PSMD1: variants seen among roughly 807,000 people sequenced by gnomAD.
The protein encoded by PSMD1 is proteasome 26S subunit, non-ATPase 1.
A neutral mutation model predicts 119.0 loss-of-function variants in PSMD1; 18 were observed. That is an observed-to-expected ratio of 0.15 (90% CI 0.10 to 0.22). The LOEUF (loss-of-function observed/expected upper bound fraction) is 0.22. Among genes scored for constraint, PSMD1 ranks in the 10% least tolerant of loss-of-function variants. The probability of loss-of-function intolerance (pLI) is 1.00; values close to 1 mark genes in which losing one functional copy is unlikely to be tolerated. For synonymous variants in PSMD1, 374 were observed against 396.6 expected (o/e 0.94, Z 0.68); for missense variants, 702 against 1,158.5 (o/e 0.61, Z 5.72).
intron 16 of PSMD1, among the ~76,000 whole-genome samples, chr2:231,089,822 T>C (rs1364611639): frequency 6.6e-6 from 1 of 152,114 alleles, no homozygotes; most frequent in Non-Finnish European, 1.5e-5. Context: ...GCCTGCTTTA[T>C]ATTCCCTGAG....
intron 18 of PSMD1, among the ~76,000 whole-genome samples, chr2:231,153,114 A>C (rs962967999): frequency 9.2e-5 from 14 of 152,334 alleles, no homozygotes; most frequent in Middle Eastern, 3.4e-3. Flanking sequence ...TACTTCATGC[A>C]AAAGATACCT....
Position 231,056,923 on chromosome 2 carries a change from CG to C in PSMD1, c.-99del, listed in dbSNP as rs1693605305. ...GAGGCGACTGACTGAGCAGCGCACC[CG>C]GGGAGCAAGGAGGCGCGGTGAACTG... On this transcript the variant is annotated 5_prime_UTR_variant, in exon 1 of 25. Transcript: ENST00000308696. 3 of 1,473,014 alleles carry C rather than the reference CG, an allele frequency of 2.0e-6. No individual in the cohort carries two copies. Among genetic ancestry groups the C allele is most frequent in the Admixed American group, 2.0e-5 (1 of 50,310 alleles). 91.2% of individuals were successfully genotyped at this position (1,473,014 alleles called of 1,614,324 possible).
In PSMD1 at chr2:231,083,494, C is replaced by T; in HGVS notation, c.1526-73C>T. ...TTTGATAGTTTATGCAAAAAGAGTG[C>T]TACTTTCAGTTGGATGTTTTACTGA... is the stretch of plus-strand genomic sequence containing the variant. On this transcript the variant is annotated intron_variant, in intron 13 of 24. Transcript: ENST00000308696. 1.7e-5 allele frequency: 25 copies of T among 1,488,506 alleles called. No homozygotes were observed. The South Asian group carries it at 2.8e-4, about 17-fold the overall frequency. 92.2% of individuals were successfully genotyped at this position (1,488,506 alleles called of 1,614,324 possible).
At chr2:231,137,641 C>T (rs550397104) in intron 16 of PSMD1, among the ~76,000 whole-genome samples, 16 of 152,028 alleles carry the variant, frequency 1.1e-4, no homozygotes, top group South Asian at 8.3e-4. Flanking sequence ...CGGTAGATCC[C>T]GTCACCCAAG....
intron 17 of PSMD1, 137 bp from the exon 18 acceptor site, chr2:231,146,103 T>C (rs1574769051): frequency 1.7e-6 from 1 of 590,356 alleles, no homozygotes; most frequent in East Asian, 3.0e-5. Context: ...ATTTTTCAAC[T>C]CCATTATAAT....
At chr2:231,060,530 T>TAG (rs1238787547) in intron 1 of PSMD1, among the ~76,000 whole-genome samples, 3 of 152,246 alleles carry the variant, frequency 2.0e-5, no homozygotes, top group Non-Finnish European at 4.4e-5. Context: ...GACCTTTGAC[T>TAG]ATATTTCAAG....
intron 16 of PSMD1, among the ~76,000 whole-genome samples, chr2:231,130,990 A>G (rs983926300): frequency 6.6e-6 from 1 of 152,192 alleles, no homozygotes; most frequent in South Asian, 2.1e-4. Flanking sequence ...GTTACTAATG[A>G]TTTAATGTAT....
chr2:231,150,703 C>T (rs568466413), intron 18 of PSMD1, among the ~76,000 whole-genome samples: 1 of 152,200 alleles, frequency 6.6e-6, no homozygotes, highest in African/African-American at 2.4e-5. Context: ...TCATGTTAGC[C>T]TTCTAAATTC....
chr2:231,139,991 C>T (rs182604263), intron 17 of PSMD1, among the ~76,000 whole-genome samples: 1 of 152,286 alleles, frequency 6.6e-6, no homozygotes, highest in African/African-American at 2.4e-5. Flanking sequence ...CAAACCTTGG[C>T]CACCTCCCAG....
rs767811486 is a variant in PSMD1, at chr2:231,146,307, T to C, written c.2066T>C (p.Ile689Thr). The C allele has an allele frequency of 2.8e-5, 45 of 1,613,854 alleles. No individual in the cohort carries two copies. The highest frequency in any genetic ancestry group is 3.4e-6 in the Non-Finnish European group (4 of 1,179,876). ...PVNYVRQGAL[I>T]ASALIMIQQT... is the part of the protein sequence containing the mutation. ...AACTACGTGAGGCAAGGGGCACTCA[T>C]AGCTTCAGCTCTCATCATGATCCAG... Residue 689 changes from isoleucine to threonine, a missense_variant, in exon 18 of 25, where the codon ATA becomes ACA. Transcript: ENST00000308696.
chr2:231,084,914 C>G, intron 14 of PSMD1, 105 bp from the exon 15 acceptor site: 1 of 844,478 alleles, frequency 1.2e-6, no homozygotes, highest in Non-Finnish European at 1.9e-6. Context: ...CTCATCATTT[C>G]CTATCTGAGA....
At chr2:231,124,716 G>A (rs1331195082) in intron 16 of PSMD1, among the ~76,000 whole-genome samples, 1 of 151,658 alleles carries the variant, frequency 6.6e-6, no homozygotes, top group Admixed American at 6.6e-5. Flanking sequence ...TTCTTTTTTT[G>A]TTTTAAGTAG....
chr2:231,098,453 C>CTCTCTCTGTCTCTT (rs1694778663), intron 16 of PSMD1, among the ~76,000 whole-genome samples: 1 of 151,322 alleles, frequency 6.6e-6, no homozygotes, highest in South Asian at 2.1e-4. Flanking sequence ...CTCTTTCTCT[C>CTCTCTCTGTCTCTT]TCTCTCTGTC....
intron 18 of PSMD1, among the ~76,000 whole-genome samples, chr2:231,153,193 G>T (rs142980619): frequency 6.6e-6 from 1 of 152,212 alleles, no homozygotes. Context: ...TAGGAAACCC[G>T]CAAGGTTGGT....
chr2:231,147,325 T>A (rs555876530), intron 18 of PSMD1, among the ~76,000 whole-genome samples: 4 of 152,054 alleles, frequency 2.6e-5, no homozygotes, highest in Non-Finnish European at 5.9e-5. Context: ...GGAGGCCCCA[T>A]CACTACAAAG....
intron 18 of PSMD1, among the ~76,000 whole-genome samples, chr2:231,149,580 C>T (rs1032128206): frequency 2.6e-5 from 4 of 152,222 alleles, no homozygotes; most frequent in African/African-American, 9.6e-5. Context: ...ATCTGGTGTT[C>T]CTATTACCAG....
At chr2:231,082,661 C>T (rs1011626568) in intron 12 of PSMD1, among the ~76,000 whole-genome samples, 17 of 152,178 alleles carry the variant, frequency 1.1e-4, no homozygotes, top group African/African-American at 4.1e-4. Context: ...GCCCAGATCA[C>T]GCCATTGCAC....
intron 16 of PSMD1, chr2:231,113,709 C>T (rs767915491): frequency 1.4e-5 from 22 of 1,604,502 alleles, no homozygotes; most frequent in African/African-American, 4.0e-5. Flanking sequence ...ACCACCCACA[C>T]TCTGGCATTC....
At position 231,114,309 on chromosome 2, in the gene PSMD1, T is replaced by A. The variant is rs1695258637; in HGVS notation, c.1884-24427T>A. Among the ~76,000 whole-genome samples, 4 of 152,174 alleles carry A rather than the reference T, an allele frequency of 2.6e-5. No individual in the cohort carries two copies. The South Asian group carries it at 8.3e-4, about 32-fold the overall frequency. ...AAAATTTATTTTTAAGTAGCTGTTG[T>A]ATAAAAAGAAAACATTTTACCATGT... On this transcript the variant is annotated intron_variant, in intron 16 of 24. Coordinates refer to ENST00000308696, the MANE Select transcript of PSMD1 (RefSeq NM_002807.4).
Sources: allele counts gnomAD v4.1 joint callset (sites outside exome capture counted in the v4.1 genomes callset), GRCh38; gene constraint gnomAD v4.1.1; transcripts MANE v1.5; gene names NCBI Gene and HGNC (gene_info 2026-07-23, HGNC 2026-07-21).